ANGEL2: variants seen among roughly 807,000 people sequenced by gnomAD.
The protein encoded by ANGEL2 is RNA 2',3'-cyclic phosphatase ANGEL2.
A neutral mutation model predicts 66.0 loss-of-function variants in ANGEL2; 41 were observed. That is an observed-to-expected ratio of 0.62 (90% confidence interval 0.48 to 0.81). ANGEL2 has a LOEUF of 0.81. Among genes scored for constraint, ANGEL2 ranks in the 30% least tolerant of loss-of-function variants. The probability of loss-of-function intolerance (pLI) is 0.00; values close to 1 mark genes in which losing one functional copy is unlikely to be tolerated. For missense variants in ANGEL2, 561 were observed against 641.6 expected (o/e 0.87, Z 1.36); for synonymous variants, 208 against 226.5 (o/e 0.92, Z 0.73).
In ANGEL2 at chr1:213,015,851, A is replaced by C; in HGVS notation, c.-180T>G. ...GGCCGGCCTACACTCCATCTTGCGCAGTCAGAGTCCCTGAATGCCTTAACC... is the reference window on the plus strand; with the variant it reads ...GGCCGGCCTACACTCCATCTTGCGCCGTCAGAGTCCCTGAATGCCTTAACC... On this transcript the variant is annotated 5_prime_UTR_variant, in exon 1 of 9. Coordinates refer to ENST00000366962, the MANE Select transcript of ANGEL2 (RefSeq NM_144567.5). The C allele has an allele frequency of 1.4e-6, 1 of 709,416 alleles. No homozygotes were observed. The highest frequency in any genetic ancestry group is 2.3e-6 in the Non-Finnish European group (1 of 432,370). 43.9% of individuals were successfully genotyped at this position (709,416 alleles called of 1,614,324 possible).
At chr1:213,009,366 G>A (rs758634660) in intron 2 of ANGEL2, among the ~76,000 whole-genome samples, 82 of 152,078 alleles carry the variant, frequency 5.4e-4, no homozygotes, top group African/African-American at 1.9e-3. Flanking sequence ...AGAGAAACAC[G>A]GAATTTTTGG....
At position 213,013,409 on chromosome 1, in the gene ANGEL2, C is replaced by T. The variant is rs1436119605; in HGVS notation, c.69G>A (p.Met23Ile). 2 of 1,611,544 alleles carry T rather than the reference C, an allele frequency of 1.2e-6. No individual in the cohort carries two copies. The highest frequency in any genetic ancestry group is 1.7e-6 in the Non-Finnish European group (2 of 1,178,758). ...HCVVGRGRYP[M>I]FPHHSRSLGR... Reference sequence around the variant, plus strand: ...CCAGACTCCTCGAGTGATGGGGAAACATGGGGTATCTAAAAGAAATAAATA... The same window carrying T: ...CCAGACTCCTCGAGTGATGGGGAAATATGGGGTATCTAAAAGAAATAAATA... Residue 23 changes from methionine (M) to isoleucine (I), a missense_variant, in exon 2 of 9, where the codon ATG (methionine) becomes ATA (isoleucine). Coordinates refer to ENST00000366962, the MANE Select transcript of ANGEL2 (RefSeq NM_144567.5).
intron 3 of ANGEL2, among the ~76,000 whole-genome samples, chr1:213,007,769 A>T (rs1303165754): frequency 6.6e-6 from 1 of 152,214 alleles, no homozygotes; most frequent in East Asian, 1.9e-4. Flanking sequence ...CATTATTCTT[A>T]AACATATTCC....
rs201947768 is a variant in ANGEL2, at chr1:213,000,823, C to T, written c.1224G>A (p.Val408=). 1.2e-5 allele frequency: 19 copies of T among 1,611,978 alleles called. No individual in the cohort carries two copies. The highest frequency in any genetic ancestry group is 2.7e-5 in the African/African-American group (2 of 74,830). The change falls in exon 6 of 9, where the codon GTG becomes GTA. Residue 408 remains valine (V), a synonymous_variant. Coordinates refer to ENST00000366962, the MANE Select transcript of ANGEL2 (RefSeq NM_144567.5). ...CTTTTGGTACCTGCTGTACCTCATACACACAGTTCTGTGAGATACCTAGGT... is the reference window on the plus strand; with the variant it reads ...CTTTTGGTACCTGCTGTACCTCATATACACAGTTCTGTGAGATACCTAGGT... The part of the protein sequence containing the change: ...PPNLGISQNC[V]YEVQQVPKVE...
At chr1:213,000,176 G>A in intron 7 of ANGEL2, 150 bp downstream of exon 7, 2 of 651,308 alleles carry the variant, frequency 3.1e-6, no homozygotes, top group East Asian at 2.7e-5. Flanking sequence ...AGTCAGGACT[G>A]GAACTCAGGC....
intron 2 of ANGEL2, among the ~76,000 whole-genome samples, chr1:213,010,127 T>C (rs2148173114): frequency 6.6e-6 from 1 of 151,464 alleles, no homozygotes; most frequent in East Asian, 1.9e-4. Flanking sequence ...GAATTTTGCC[T>C]AGAGCCTATC....
rs940142490 is a variant in ANGEL2 at position 213,005,469 on chromosome 1, T to G, written c.713-15A>C. 1 of 1,552,536 alleles carries G rather than the reference T, an allele frequency of 6.4e-7. No homozygotes were observed. The highest frequency in any genetic ancestry group is 2.0e-5 in the Admixed American group (1 of 50,596). The stretch of plus-strand genomic sequence containing the variant: ...ACAGTGATAACCTACAAGAAACAAA[T>G]GAATTTAAAACAAATGACTGCTTTT... On this transcript the variant is annotated splice_polypyrimidine_tract_variant and intron_variant, in intron 4 of 8. Coordinates refer to ENST00000366962, the MANE Select transcript of ANGEL2 (RefSeq NM_144567.5).
In ANGEL2 at chr1:212,994,345, A is replaced by C. The variant is rs1346370831; in HGVS notation, c.*696T>G. On this transcript the variant is annotated 3_prime_UTR_variant, in exon 9 of 9. Transcript: ENST00000366962. Reference sequence around the variant, plus strand: ...GCTAGGGAAACAAAGGTATATCCCCAGTCTCTGCCTCTATTAAGCCCACCT... The same window carrying C: ...GCTAGGGAAACAAAGGTATATCCCCCGTCTCTGCCTCTATTAAGCCCACCT... 6.6e-6 allele frequency: 1 copy of C among 152,240 alleles called. No individual in the cohort carries two copies. The allele number at this position is 152,240 out of a possible 1,614,324, so 9.4% of individuals were successfully genotyped here.
chr1:213,007,340 C>A, intron 3 of ANGEL2, 142 bp from the exon 4 acceptor site: 1 of 674,312 alleles, frequency 1.5e-6, no homozygotes, highest in Non-Finnish European at 2.4e-6. Flanking sequence ...ACCTGTTTTT[C>A]TTGTTATAGA....
chr1:213,005,329 G>C lies in ANGEL2; in HGVS notation c.838C>G (p.Leu280Val), dbSNP rs1277888201. ...PVEFFRPDIS[L>V]LDRDNVGLVL... ...AATCCAACATTGTCTCTGTCCAACA[G>C]AGAAATATCAGGGCGGAAGAATTCC... is the stretch of plus-strand genomic sequence containing the variant. The change falls in exon 5 of 9, where the codon CTG (leucine) becomes GTG (valine). Residue 280 changes from leucine (L) to valine (V), a missense_variant. Transcript: ENST00000366962. The C allele has an allele frequency of 6.2e-7, 1 of 1,614,120 alleles. No individual in the cohort carries two copies. The highest frequency in any genetic ancestry group is 1.3e-5 in the African/African-American group (1 of 74,942).
At chr1:212,996,096 A>T (rs1434405512) in intron 8 of ANGEL2, among the ~76,000 whole-genome samples, 2 of 152,042 alleles carry the variant, frequency 1.3e-5, no homozygotes, top group Non-Finnish European at 2.9e-5. Flanking sequence ...TCATGAGGTC[A>T]GGAGATCGAG....
At chr1:213,005,563 C>T in intron 4 of ANGEL2, 109 bp from the exon 5 acceptor site, 4 of 1,164,012 alleles carry the variant, frequency 3.4e-6, no homozygotes, top group Non-Finnish European at 4.8e-6. Flanking sequence ...TTCTGCAAAA[C>T]ATTAGTAATG....
At chr1:213,007,093 A>T in intron 4 of ANGEL2, 36 bp downstream of exon 4, 1 of 1,507,584 alleles carries the variant, frequency 6.6e-7, no homozygotes, top group East Asian at 2.4e-5. Flanking sequence ...ACCCTGTCTC[A>T]AAAAAGAAAA....
chr1:213,008,699 G>C (rs1031836149), intron 2 of ANGEL2, among the ~76,000 whole-genome samples: 2 of 152,206 alleles, frequency 1.3e-5, no homozygotes. Context: ...AAAGAATCTT[G>C]CAAGTCATTC....
chr1:213,000,015 CACT>C (rs1350174007), intron 7 of ANGEL2, among the ~76,000 whole-genome samples: 1 of 152,194 alleles, frequency 6.6e-6, no homozygotes, highest in African/African-American at 2.4e-5. Context: ...CCCTTCCTAA[CACT>C]ACCTAGGTGC....
chr1:213,009,230 C>A (rs923150213), intron 2 of ANGEL2, among the ~76,000 whole-genome samples: 3 of 152,190 alleles, frequency 2.0e-5, no homozygotes, highest in Admixed American at 6.5e-5. Context: ...CAAGACTTTG[C>A]AATCATAGGC....
chr1:212,995,780 C>T (rs531144542), intron 8 of ANGEL2, among the ~76,000 whole-genome samples: 60 of 151,180 alleles, frequency 4.0e-4, no homozygotes, highest in Non-Finnish European at 6.9e-4. Context: ...TAAGTCATCT[C>T]GTGAGTGTTA....
At chr1:212,997,465 A>G (rs1241479794) in intron 7 of ANGEL2, 147 bp from the exon 8 acceptor site, 1 of 690,812 alleles carries the variant, frequency 1.4e-6, no homozygotes, top group East Asian at 2.8e-5. Context: ...ATAATTTAGT[A>G]TTAATTTACT....
chr1:213,005,081 A>G lies in ANGEL2; in HGVS notation c.1086T>C (p.Ser362=). ...AATTCAATTTTCCTTCCTTTATGAA[A>G]CTATATAGTGGAGAACCAGGAACAG... is the stretch of plus-strand genomic sequence containing the variant. ...FNSVPGSPLY[S]FIKEGKLNYE... Residue 362 remains serine (S), a synonymous_variant, in exon 5 of 9, where the codon AGT becomes AGC. Coordinates refer to ENST00000366962, the MANE Select transcript of ANGEL2 (RefSeq NM_144567.5). 2 of 1,596,540 alleles carry G rather than the reference A, an allele frequency of 1.3e-6. No individual in the cohort carries two copies. Among genetic ancestry groups the G allele is most frequent in the Non-Finnish European group, 8.5e-7 (1 of 1,174,060 alleles).
Sources: allele counts gnomAD v4.1 joint callset (sites outside exome capture counted in the v4.1 genomes callset), GRCh38; gene constraint gnomAD v4.1.1; transcripts MANE v1.5; gene names NCBI Gene and HGNC (gene_info 2026-07-23, HGNC 2026-07-21).